The following RBM28 variants were observed in gnomAD, a reference collection of about 807,000 sequenced individuals.
The protein encoded by RBM28 is RNA-binding protein 28.
Under a neutral mutation model 98.3 loss-of-function variants are expected in RBM28, and 78 were observed. The observed-to-expected ratio is 0.79, with a 90% CI of 0.66 to 0.96. The LOEUF is 0.96. Among genes scored for constraint, RBM28 ranks in the 40% least tolerant of loss-of-function variants. The pLI is 0.00. For missense variants in RBM28, 838 were observed against 913.0 expected (o/e 0.92, Z 1.06); for synonymous variants, 306 against 330.9 (o/e 0.92, Z 0.82).
chr7:128,321,310 G>A lies in RBM28; in HGVS notation c.1519C>T (p.Leu507=), dbSNP rs1289321179. The change falls in exon 14 of 19, where the codon CTG becomes TTG. Residue 507 remains leucine (L), a synonymous_variant. Coordinates refer to ENST00000223073, the MANE Select transcript of RBM28 (RefSeq NM_018077.3). ...TTCTCTCCACTAGTAGCACTCAGCA[G>A]CAGCTTTCTGAGCTGTTTGTCATCT... ...AVDDKQLRKL[L]LSATSGEKGV... is the part of the protein sequence containing the mutation. The A allele has an allele frequency of 1.2e-6, 2 of 1,614,120 alleles. No homozygotes were observed. Among genetic ancestry groups the A allele is most frequent in the African/African-American group, 1.3e-5 (1 of 74,936 alleles).
intron 14 of RBM28, among the ~76,000 whole-genome samples, chr7:128,320,438 A>T (rs1028016639): frequency 6.6e-6 from 1 of 151,902 alleles, no homozygotes; most frequent in Non-Finnish European, 1.5e-5. Flanking sequence ...GAAAAGAAAA[A>T]AAAGAAAAGA....
At position 128,310,430 on chromosome 7, in the gene RBM28, G is replaced by C. The variant is rs142499051; in HGVS notation, c.*367C>G. The C allele has an allele frequency of 7.7e-4, 238 of 310,168 alleles. No homozygotes were observed. The highest frequency in any genetic ancestry group is 4.6e-4 in the Non-Finnish European group (74 of 161,814). 19.2% of individuals were successfully genotyped at this position (310,168 alleles called of 1,614,324 possible). A position where few individuals can be genotyped will look rare whatever the true frequency, so the allele number is the denominator to read the frequency against. ...AAAAAGCCACACAATATCTCATTTA[G>C]AGAATATGCTTAACAAAATATACAT... On this transcript the variant is annotated 3_prime_UTR_variant, in exon 19 of 19. Coordinates refer to ENST00000223073, the MANE Select transcript of RBM28 (RefSeq NM_018077.3).
chr7:128,319,784 T>C (rs1215860252), intron 14 of RBM28, among the ~76,000 whole-genome samples: 1 of 152,052 alleles, frequency 6.6e-6, no homozygotes, highest in Non-Finnish European at 1.5e-5. Flanking sequence ...ATGACAGAGA[T>C]ATGCAAGGCC....
intron 10 of RBM28, among the ~76,000 whole-genome samples, chr7:128,329,150 A>G (rs1796417114): frequency 6.6e-6 from 1 of 152,050 alleles, no homozygotes; most frequent in African/African-American, 2.4e-5. Flanking sequence ...CCCAGGCTAG[A>G]GTGCAGTGGC....
At chr7:128,342,873 T>C (rs190338109) in intron 1 of RBM28, among the ~76,000 whole-genome samples, 5 of 152,268 alleles carry the variant, frequency 3.3e-5, no homozygotes, top group Admixed American at 3.3e-4. Flanking sequence ...GAGAGGCATG[T>C]GTTCACTCTC....
intron 8 of RBM28, among the ~76,000 whole-genome samples, chr7:128,335,107 T>C (rs1796568163): frequency 6.6e-6 from 1 of 152,244 alleles, no homozygotes; most frequent in Non-Finnish European, 1.5e-5. Context: ...CAGTCCAAAC[T>C]GACTAAACAG....
At position 128,335,949 on chromosome 7, in the gene RBM28, T is replaced by A; in HGVS notation, c.707A>T (p.Asp236Val). 1.9e-6 allele frequency: 3 copies of A among 1,606,976 alleles called. No homozygotes were observed. The highest frequency in any genetic ancestry group is 2.2e-5 in the East Asian group (1 of 44,850). Residue 236 changes from aspartate to valine, a missense_variant, in exon 7 of 19, where the codon GAT (aspartate) becomes GTT (valine). Coordinates refer to ENST00000223073, the MANE Select transcript of RBM28 (RefSeq NM_018077.3). ...EDMEEEENDD[D>V]DDDDDEEDGV... ...ATCTTCTTCATCATCATCATCGTCA[T>A]CATCATCGTTTTCTTCCTCTTCCAT...
intron 1 of RBM28, 143 bp downstream of exon 1, chr7:128,343,533 A>G: frequency 1.7e-6 from 1 of 600,482 alleles, no homozygotes; most frequent in South Asian, 2.6e-5. Context: ...ACGCATCTAA[A>G]GCAGAATCAG....
intron 17 of RBM28, among the ~76,000 whole-genome samples, chr7:128,314,434 G>T (rs1011977189): frequency 2.0e-5 from 3 of 152,174 alleles, no homozygotes; most frequent in African/African-American, 7.2e-5. Context: ...CTTTTGTAGA[G>T]CACTAATCTG....
rs1562953112 is a variant in RBM28 at position 128,324,566 on chromosome 7, T to A, written c.1332A>T (p.Arg444=). 6.2e-7 allele frequency: 1 copy of A among 1,614,228 alleles called. No individual in the cohort carries two copies. Among genetic ancestry groups the A allele is most frequent in the Admixed American group, 1.7e-5 (1 of 60,030 alleles). Residue 444 remains arginine (R), a synonymous_variant, in exon 12 of 19, where the codon CGA becomes CGT. Coordinates refer to ENST00000223073, the MANE Select transcript of RBM28 (RefSeq NM_018077.3). ...PTGTRNLYLA[R]EGLIRAGTKA... is the part of the protein sequence containing the mutation. ...TTACATCTCCCTACTCACAGCCTTC[T>A]CGGGCCAGATAGAGATTCCGGGTGC...
intron 3 of RBM28, 66 bp downstream of exon 3, chr7:128,339,161 C>G: frequency 7.5e-7 from 1 of 1,336,518 alleles, no homozygotes; most frequent in African/African-American, 1.4e-5. Flanking sequence ...AGGAGTTCTA[C>G]TAATGATCAC....
chr7:128,337,116 A>G lies in RBM28; in HGVS notation c.613+15T>C. The G allele has an allele frequency of 6.2e-7, 1 of 1,613,532 alleles. No individual in the cohort carries two copies. The highest frequency in any genetic ancestry group is 1.1e-5 in the South Asian group (1 of 91,064). ...TATACAACGCCCCTACTCACCCAAC[A>G]CTACCACATCTTACCTATAGCAGAA... On this transcript the variant is annotated intron_variant, in intron 6 of 18. Coordinates refer to ENST00000223073, the MANE Select transcript of RBM28 (RefSeq NM_018077.3).
At chr7:128,313,681 G>T (rs1796038398) in intron 17 of RBM28, among the ~76,000 whole-genome samples, 1 of 152,212 alleles carries the variant, frequency 6.6e-6, no homozygotes, top group South Asian at 2.1e-4. Flanking sequence ...GTAATCCCCA[G>T]TGTTGAAGGC....
At position 128,303,492 on chromosome 7, in the gene RBM28, A is replaced by C. The variant is rs751725638; in HGVS notation, c.*7305T>G. 3 of 152,210 alleles carry C rather than the reference A, an allele frequency of 2.0e-5. No individual in the cohort carries two copies. Among genetic ancestry groups the C allele is most frequent in the Non-Finnish European group, 2.9e-5 (2 of 68,062 alleles). The allele number at this position is 152,210 out of a possible 1,614,324, so 9.4% of individuals were successfully genotyped here. The stretch of plus-strand genomic sequence containing the variant: ...TGGCCTGGCCTCCTGGAAAGGGGCA[A>C]TGCCCCAGCCCAGCACACAACCAGG... On this transcript the variant is annotated 3_prime_UTR_variant, in exon 19 of 19. Transcript: ENST00000223073.
At chr7:128,311,360 G>GATTTCTTGAA (rs1795980841) in intron 18 of RBM28, among the ~76,000 whole-genome samples, 1 of 152,148 alleles carries the variant, frequency 6.6e-6, no homozygotes, top group African/African-American at 2.4e-5. Context: ...GATTTCTTGA[G>GATTTCTTGAA]TAGGATGGGA....
chr7:128,332,521 A>G (rs1389729544), intron 9 of RBM28, among the ~76,000 whole-genome samples: 1 of 151,844 alleles, frequency 6.6e-6, no homozygotes, highest in Non-Finnish European at 1.5e-5. Context: ...TGCATGGCCA[A>G]TTTTTGTATT....
At chr7:128,323,928 A>G (rs996594646) in intron 12 of RBM28, among the ~76,000 whole-genome samples, 2 of 152,218 alleles carry the variant, frequency 1.3e-5, no homozygotes, top group African/African-American at 4.8e-5. Context: ...AGAATGCACA[A>G]TGTTCCACCT....
intron 6 of RBM28, among the ~76,000 whole-genome samples, chr7:128,336,789 T>C (rs1369929392): frequency 6.6e-6 from 1 of 152,242 alleles, no homozygotes; most frequent in Non-Finnish European, 1.5e-5. Flanking sequence ...AGTCTCGTTT[T>C]GTTGCCCAGG....
chr7:128,315,149 T>G, intron 16 of RBM28, 129 bp from the exon 17 acceptor site: 1 of 1,359,168 alleles, frequency 7.4e-7, no homozygotes, highest in Non-Finnish European at 1.0e-6. Flanking sequence ...AATTGGAGAC[T>G]AGAGGAAAGT....
Sources: gnomAD v4.1 joint callset for allele counts (sites outside exome capture counted in the v4.1 genomes callset) on GRCh38, gnomAD v4.1.1 for gene constraint, MANE v1.5 for transcripts, NCBI Gene and HGNC (gene_info 2026-07-23, HGNC 2026-07-21) for gene names.